PDGFRL: variants seen among roughly 807,000 people sequenced by gnomAD.
PDGFRL encodes the protein platelet-derived growth factor receptor-like protein.
A neutral mutation model predicts 37.2 loss-of-function variants in PDGFRL; 46 were observed. The ratio of observed to expected loss-of-function variants is 1.24; its 90% CI spans 0.98 to 1.58. The LOEUF is 1.58. Among genes scored for constraint, PDGFRL ranks in the 40% most tolerant of loss-of-function variants. PDGFRL has a pLI of 0.00. For synonymous variants in PDGFRL, 251 were observed against 184.3 expected, an observed-to-expected ratio of 1.36 and a Z score of -2.93; for missense variants, 692 against 467.6, an observed-to-expected ratio of 1.48 and a Z score of -4.43.
intron 2 of PDGFRL, among the ~76,000 whole-genome samples, chr8:17,603,841 A>C (rs1360534661): frequency 6.6e-6 from 1 of 152,204 alleles, no homozygotes; most frequent in African/African-American, 2.4e-5. Flanking sequence ...AGGAAACTCA[A>C]GCTCATATTT....
chr8:17,637,111 C>G, intron 5 of PDGFRL, among the ~76,000 whole-genome samples: 1 of 152,160 alleles, frequency 6.6e-6, no homozygotes, highest in East Asian at 1.9e-4. Context: ...TTATTTCTTT[C>G]TCTTGTCTGA....
intron 1 of PDGFRL, among the ~76,000 whole-genome samples, chr8:17,585,013 C>A (rs990098859): frequency 6.6e-6 from 1 of 151,390 alleles, no homozygotes; most frequent in Non-Finnish European, 1.5e-5. Context: ...ACGGGAAATT[C>A]CTGGAACTGA....
At chr8:17,634,850 A>C (rs1162851493) in intron 5 of PDGFRL, among the ~76,000 whole-genome samples, 1 of 152,204 alleles carries the variant, frequency 6.6e-6, no homozygotes, top group African/African-American at 2.4e-5. Flanking sequence ...AAGATCGGGC[A>C]AAATAACTAA....
intron 2 of PDGFRL, chr8:17,596,488 G>A (rs190029614): frequency 2.6e-6 from 1 of 385,688 alleles, no homozygotes; most frequent in East Asian, 3.8e-5. Context: ...TTTAGTCTTT[G>A]ACTTCCTACA....
chr8:17,618,821 T>C (rs1804578181), intron 2 of PDGFRL, among the ~76,000 whole-genome samples: 1 of 152,152 alleles, frequency 6.6e-6, no homozygotes, highest in Admixed American at 6.5e-5. Flanking sequence ...TTGTACCATC[T>C]AGTGTAATGA....
chr8:17,620,952 G>T, intron 2 of PDGFRL, 99 bp from the exon 3 acceptor site: 1 of 674,214 alleles, frequency 1.5e-6, no homozygotes, highest in South Asian at 3.9e-5. Context: ...GAGAAAGATT[G>T]GGGCAAGTCT....
chr8:17,593,820 G>A (rs1322605461), intron 2 of PDGFRL, among the ~76,000 whole-genome samples: 14 of 151,778 alleles, frequency 9.2e-5, no homozygotes, highest in African/African-American at 1.5e-4. Context: ...CCTGGGAGGC[G>A]GAGGTTGTGG....
At chr8:17,597,000 C>CAA (rs1187293901) in intron 2 of PDGFRL, among the ~76,000 whole-genome samples, 4 of 151,742 alleles carry the variant, frequency 2.6e-5, no homozygotes, top group Admixed American at 2.6e-4. Context: ...GTTCATCCAA[C>CAA]AAAGCCTTGT....
intron 1 of PDGFRL, among the ~76,000 whole-genome samples, chr8:17,588,556 C>G (rs192882314): frequency 1.7e-3 from 252 of 152,172 alleles, no homozygotes; most frequent in African/African-American, 5.9e-3. Flanking sequence ...ATGTGTAGGC[C>G]TAGCTACTCA....
intron 5 of PDGFRL, among the ~76,000 whole-genome samples, chr8:17,638,776 T>TATATATATATATATATATATATATATAA (rs1563532521): frequency 9.4e-6 from 1 of 106,024 alleles, no homozygotes. Flanking sequence ...TATATATATA[T>TATATATATATATATATATATATATATAA]ATATATATAT....
chr8:17,604,251 T>C (rs1585312283), intron 2 of PDGFRL, among the ~76,000 whole-genome samples: 1 of 151,924 alleles, frequency 6.6e-6, no homozygotes, highest in Non-Finnish European at 1.5e-5. Flanking sequence ...ACCCAAAGAG[T>C]TATAAATCAT....
intron 4 of PDGFRL, 47 bp downstream of exon 4, chr8:17,628,827 G>A (rs776107944): frequency 1.5e-6 from 2 of 1,357,102 alleles, no homozygotes; most frequent in Admixed American, 1.7e-5. Context: ...CCCCTGGTCA[G>A]TTTCAGGTAC....
rs544110196 is a variant in PDGFRL, at chr8:17,589,770, G to A, written c.353+5G>A. Reference sequence around the variant, plus strand: ...CTTTAAGGATTCTCGCCTCAGGTAAGCATTTTTTTTTAAAACTGTGTAGGG... The same window carrying A: ...CTTTAAGGATTCTCGCCTCAGGTAAACATTTTTTTTTAAAACTGTGTAGGG... On this transcript the variant is annotated splice_donor_5th_base_variant and intron_variant, in intron 2 of 5. Coordinates refer to ENST00000251630, the MANE Select transcript of PDGFRL (RefSeq NM_001372073.1). 4 of 1,574,350 alleles carry A rather than the reference G, an allele frequency of 2.5e-6. No individual in the cohort carries two copies. The African/African-American group carries it at 4.1e-5, about 16-fold the overall frequency.
chr8:17,618,248 G>GT (rs1804567039), intron 2 of PDGFRL, among the ~76,000 whole-genome samples: 1 of 151,990 alleles, frequency 6.6e-6, no homozygotes, highest in Non-Finnish European at 1.5e-5. Flanking sequence ...TAGATATGGG[G>GT]TTTTGCTATG....
intron 3 of PDGFRL, among the ~76,000 whole-genome samples, chr8:17,623,747 A>C (rs931295532): frequency 6.6e-6 from 1 of 151,998 alleles, no homozygotes; most frequent in Non-Finnish European, 1.5e-5. Flanking sequence ...GGTGGTGCAC[A>C]GTTGTGCTCC....
intron 3 of PDGFRL, among the ~76,000 whole-genome samples, chr8:17,625,968 C>G (rs908918329): frequency 5.3e-5 from 8 of 152,216 alleles, no homozygotes; most frequent in African/African-American, 1.9e-4. Flanking sequence ...GCACTCCAGC[C>G]TGGGCAACAG....
chr8:17,631,319 T>A (rs892578005), intron 4 of PDGFRL, among the ~76,000 whole-genome samples: 13 of 151,418 alleles, frequency 8.6e-5, no homozygotes, highest in African/African-American at 2.9e-4. Flanking sequence ...CAGGGGAGAG[T>A]GGTACGTGTG....
chr8:17,614,477 C>T (rs1257094840), intron 2 of PDGFRL, among the ~76,000 whole-genome samples: 2 of 152,152 alleles, frequency 1.3e-5, no homozygotes, highest in Non-Finnish European at 2.9e-5. Context: ...CAAATACCCA[C>T]GAGTCTTTAT....
chr8:17,643,021 C>A lies in PDGFRL; in HGVS notation c.*220C>A. The A allele has an allele frequency of 2.1e-6, 1 of 487,316 alleles. No homozygotes were observed. The allele number at this position is 487,316 out of a possible 1,614,324, so 30.2% of individuals were successfully genotyped here. ...CTAACAGAAAGCATGATTTTGATTGCTTACCTACATACGTGTTCCTAGTTT... is the reference window on the plus strand; with the variant it reads ...CTAACAGAAAGCATGATTTTGATTGATTACCTACATACGTGTTCCTAGTTT... On this transcript the variant is annotated 3_prime_UTR_variant, in exon 6 of 6. Transcript: ENST00000251630.
Sources: allele counts gnomAD v4.1 joint callset (sites outside exome capture counted in the v4.1 genomes callset), GRCh38; gene constraint gnomAD v4.1.1; transcripts MANE v1.5; gene names NCBI Gene and HGNC (gene_info 2026-07-23, HGNC 2026-07-21).